The following RCBTB2 variants were observed in gnomAD, a reference collection of about 807,000 sequenced individuals.
RCBTB2 encodes the protein RCC1 and BTB domain-containing protein 2.
In RCBTB2, 55 loss-of-function variants were observed where a neutral mutation model predicts 65.4. The observed-to-expected ratio is 0.84, with a 90% confidence interval of 0.68 to 1.05. The LOEUF (loss-of-function observed/expected upper bound fraction) is 1.05, where lower values mean the gene tolerates loss of function less well. Among genes scored for constraint, RCBTB2 ranks in the 50% least tolerant of loss-of-function variants. The probability of loss-of-function intolerance (pLI) is 0.00; values close to 1 mark genes in which losing one functional copy is unlikely to be tolerated. For synonymous variants in RCBTB2, 220 were observed against 255.2 expected, an observed-to-expected ratio of 0.86 and a Z score of 1.31; for missense variants, 599 against 680.1, an observed-to-expected ratio of 0.88 and a Z score of 1.33.
At chr13:48,512,680 C>A in intron 7 of RCBTB2, 49 bp downstream of exon 7, 1 of 1,492,054 alleles carries the variant, frequency 6.7e-7, no homozygotes, top group Non-Finnish European at 9.3e-7. Context: ...TAGAAGTCTA[C>A]ATAATCTTAT....
intron 13 of RCBTB2, among the ~76,000 whole-genome samples, chr13:48,499,142 A>ACACACACTCT (rs1366425462): frequency 6.0e-5 from 8 of 132,288 alleles, no homozygotes; most frequent in African/African-American, 1.8e-4. Context: ...ACACACACAC[A>ACACACACTCT]CTCTCTCTCT....
At chr13:48,505,834 A>G (rs1950475215) in intron 10 of RCBTB2, among the ~76,000 whole-genome samples, 1 of 152,232 alleles carries the variant, frequency 6.6e-6, no homozygotes, top group African/African-American at 2.4e-5. Flanking sequence ...TGTACGTGAA[A>G]TAAGTTCCTT....
intron 1 of RCBTB2, among the ~76,000 whole-genome samples, chr13:48,526,453 T>C (rs1951738128): frequency 1.3e-5 from 2 of 152,030 alleles, no homozygotes; most frequent in Admixed American, 1.3e-4. Context: ...GGTGGATCGC[T>C]TGAACCCAGG....
upstream of RCBTB2, chr13:48,533,288 G>A (rs1309851145): frequency 3.2e-6 from 1 of 312,704 alleles, no homozygotes; most frequent in Non-Finnish European, 6.3e-6. Flanking sequence ...CCCTCCCCTC[G>A]GAGTTGACCC....
chr13:48,521,847 T>A (rs1951443319), intron 4 of RCBTB2, 51 bp downstream of exon 4: 1 of 1,542,556 alleles, frequency 6.5e-7, no homozygotes, highest in Non-Finnish European at 9.0e-7. Context: ...TCATGAAGTA[T>A]GTTTCATGCA....
At chr13:48,494,045 T>C (rs919311994) in intron 14 of RCBTB2, among the ~76,000 whole-genome samples, 1 of 152,246 alleles carries the variant, frequency 6.6e-6, no homozygotes, top group African/African-American at 2.4e-5. Flanking sequence ...AATCTTGGAC[T>C]GTATCCCAGT....
intron 12 of RCBTB2, among the ~76,000 whole-genome samples, chr13:48,500,867 G>A (rs193288647): frequency 9.2e-4 from 140 of 152,308 alleles, no homozygotes; most frequent in African/African-American, 3.3e-3. Context: ...GTGATATAGA[G>A]AGAGTGAGCA....
intron 4 of RCBTB2, among the ~76,000 whole-genome samples, chr13:48,520,095 T>G (rs1303220093): frequency 6.6e-6 from 1 of 152,136 alleles, no homozygotes; most frequent in Non-Finnish European, 1.5e-5. Context: ...ATCCAAACAC[T>G]TCTGGTCCCA....
At chr13:48,514,023 C>T (rs1950948881) in intron 6 of RCBTB2, among the ~76,000 whole-genome samples, 1 of 152,196 alleles carries the variant, frequency 6.6e-6, no homozygotes, top group Non-Finnish European at 1.5e-5. Flanking sequence ...ATGTACTGTT[C>T]ACAATGTCAC....
intron 10 of RCBTB2, among the ~76,000 whole-genome samples, chr13:48,510,224 A>C (rs1338961250): frequency 6.6e-6 from 1 of 152,200 alleles, no homozygotes; most frequent in Non-Finnish European, 1.5e-5. Context: ...CTGAGTGACC[A>C]GCTTTATACC....
intron 10 of RCBTB2, 121 bp from the exon 11 acceptor site, chr13:48,503,035 G>A (rs1950316928): frequency 1.7e-6 from 2 of 1,147,258 alleles, no homozygotes; most frequent in Non-Finnish European, 2.4e-6. Flanking sequence ...GTCAGGAAAA[G>A]GAAAAAACAA....
At chr13:48,517,080 G>T (rs555882827) in intron 4 of RCBTB2, among the ~76,000 whole-genome samples, 44 of 152,220 alleles carry the variant, frequency 2.9e-4, no homozygotes, top group African/African-American at 1.0e-3. Flanking sequence ...ACACCTACTT[G>T]TCCCTTCCAC....
At chr13:48,503,036 G>T (rs768707298) in intron 10 of RCBTB2, 122 bp from the exon 11 acceptor site, 7 of 1,143,218 alleles carry the variant, frequency 6.1e-6, no homozygotes, top group Non-Finnish European at 8.4e-6. Context: ...TCAGGAAAAG[G>T]AAAAAACAAA....
chr13:48,527,801 T>C (rs1051661205), intron 1 of RCBTB2, among the ~76,000 whole-genome samples: 6 of 152,218 alleles, frequency 3.9e-5, no homozygotes, highest in Admixed American at 6.5e-5. Flanking sequence ...TTCTCTACAC[T>C]TTTAAAAACT....
chr13:48,522,401 A>C lies in RCBTB2; in HGVS notation c.-117T>G, dbSNP rs1376505792. On this transcript the variant is annotated splice_region_variant and 5_prime_UTR_variant, in exon 3 of 15. Transcript: ENST00000344532. ...TCCACAGAAGAATATATGATTTGCTAAGCTGGAAAAAAAAAAGGAGAAATG... is the reference window on the plus strand; with the variant it reads ...TCCACAGAAGAATATATGATTTGCTCAGCTGGAAAAAAAAAAGGAGAAATG... 7.9e-7 allele frequency: 1 copy of C among 1,259,616 alleles called. No homozygotes were observed. Among genetic ancestry groups the C allele is most frequent in the Admixed American group, 2.2e-5 (1 of 44,666 alleles). 78.0% of individuals were successfully genotyped at this position (1,259,616 alleles called of 1,614,324 possible). A position where few individuals can be genotyped will look rare whatever the true frequency, so the allele number is the denominator to read the frequency against.
At chr13:48,501,271 T>A (rs1255762992) in intron 12 of RCBTB2, among the ~76,000 whole-genome samples, 1 of 152,220 alleles carries the variant, frequency 6.6e-6, no homozygotes, top group Admixed American at 6.5e-5. Flanking sequence ...CAAATGTGAT[T>A]TTTTAAAATC....
intron 4 of RCBTB2, among the ~76,000 whole-genome samples, chr13:48,519,237 G>A (rs532013310): frequency 6.6e-6 from 1 of 152,198 alleles, no homozygotes; most frequent in East Asian, 1.9e-4. Context: ...GCAGGGCTTT[G>A]GCTATTCTCA....
At chr13:48,505,245 C>A (rs1356126054) in intron 10 of RCBTB2, among the ~76,000 whole-genome samples, 1 of 152,162 alleles carries the variant, frequency 6.6e-6, no homozygotes, top group African/African-American at 2.4e-5. Flanking sequence ...TAAGTGCCAA[C>A]CAGGCACAAT....
intron 4 of RCBTB2, among the ~76,000 whole-genome samples, chr13:48,518,031 A>G (rs1314577544): frequency 6.6e-6 from 1 of 152,228 alleles, no homozygotes; most frequent in African/African-American, 2.4e-5. Flanking sequence ...GTCAAGGAGC[A>G]GCAAGGATTG....
Sources: gnomAD v4.1 joint callset for allele counts (sites outside exome capture counted in the v4.1 genomes callset) on GRCh38, gnomAD v4.1.1 for gene constraint, MANE v1.5 for transcripts, NCBI Gene and HGNC (gene_info 2026-07-23, HGNC 2026-07-21) for gene names.